The following STIM1 variants were observed in gnomAD, a reference collection of about 807,000 sequenced individuals.
STIM1 encodes stromal interaction molecule 1.
STIM1 carries 25 observed loss-of-function variants against 74.7 expected under a neutral mutation model. The ratio of observed to expected loss-of-function variants is 0.33; its 90% CI spans 0.24 to 0.47. The LOEUF is 0.47. Among genes scored for constraint, STIM1 ranks in the 20% least tolerant of loss-of-function variants. STIM1 has a pLI of 1.00. For missense variants in STIM1, 728 were observed against 920.8 expected (o/e 0.79, Z 2.71); for synonymous variants, 328 against 348.8 (o/e 0.94, Z 0.66).
intron 1 of STIM1, among the ~76,000 whole-genome samples, chr11:3,955,188 A>G (rs529812612): frequency 1.3e-5 from 2 of 152,290 alleles, no homozygotes; most frequent in African/African-American, 2.4e-5. Flanking sequence ...GTTTATAGTG[A>G]TAGAAGTTGG....
chr11:3,897,947 C>G (rs1379337525), intron 1 of STIM1, among the ~76,000 whole-genome samples: 1 of 152,124 alleles, frequency 6.6e-6, no homozygotes, highest in Admixed American at 6.5e-5. Flanking sequence ...CAAGTCTTTG[C>G]TGTTGTGAAT....
intron 1 of STIM1, among the ~76,000 whole-genome samples, chr11:3,879,621 A>G (rs989633660): frequency 1.3e-5 from 2 of 152,180 alleles, no homozygotes; most frequent in African/African-American, 4.8e-5. Flanking sequence ...TGTTATCTCC[A>G]TATTATTGTA....
chr11:4,013,791 T>A (rs10835494), intron 2 of STIM1, among the ~76,000 whole-genome samples: 8 of 148,022 alleles, frequency 5.4e-5, no homozygotes, highest in South Asian at 2.1e-4. Flanking sequence ...TGCAAGCTCC[T>A]CCTCCCGGTT....
intron 2 of STIM1, among the ~76,000 whole-genome samples, chr11:3,987,561 G>A (rs898376615): frequency 2.0e-5 from 3 of 152,054 alleles, no homozygotes; most frequent in South Asian, 2.1e-4. Context: ...TCTTTCCTTC[G>A]AGGACCAACT....
intron 1 of STIM1, among the ~76,000 whole-genome samples, chr11:3,876,012 T>A (rs1193547329): frequency 6.6e-6 from 1 of 152,192 alleles, no homozygotes; most frequent in Non-Finnish European, 1.5e-5. Context: ...TAATGCATTC[T>A]GGGACTAGGA....
At chr11:3,922,417 GCTAT>G (rs1215633953) in intron 1 of STIM1, 3 of 151,956 alleles carry the variant, frequency 2.0e-5, no homozygotes, top group Admixed American at 6.6e-5. Flanking sequence ...TTTCCATTGG[GCTAT>G]CTTTTTCTTA....
At position 4,023,897 on chromosome 11, in the gene STIM1, C is replaced by T. The variant is rs1440304974; in HGVS notation, c.295C>T (p.His99Tyr). Residue 99 changes from histidine (H) to tyrosine (Y), a missense_variant, in exon 3 of 13, where the codon CAT becomes TAT. His to Tyr is a moderately conservative substitution (Grantham distance 83, BLOSUM62 2). This residue lies in a region of STIM1 where 51 missense variants were observed against 101.1 expected (regional missense o/e 0.50). Coordinates refer to ENST00000526596, the MANE Select transcript of STIM1 (RefSeq NM_001382567.1). The part of the protein sequence containing the change: ...DEFLREDLNY[H>Y]DPTVKHSTFH... ...GTTCCTGAGGGAAGACCTCAATTAC[C>T]ATGACCCAACAGTGAAACACAGCAC... The T allele has an allele frequency of 1.9e-6, 3 of 1,613,968 alleles. No individual in the cohort carries two copies. Among genetic ancestry groups the T allele is most frequent in the Admixed American group, 3.3e-5 (2 of 60,010 alleles).
chr11:3,939,577 C>T (rs1055918699), intron 1 of STIM1, among the ~76,000 whole-genome samples: 7 of 152,152 alleles, frequency 4.6e-5, no homozygotes, highest in African/African-American at 1.4e-4. Context: ...ATTTGACCCT[C>T]CCAATACCTT....
intron 12 of STIM1, chr11:4,086,853 G>A (rs1176719684): frequency 2.6e-6 from 4 of 1,531,570 alleles, no homozygotes; most frequent in African/African-American, 1.4e-5. Flanking sequence ...GGCATTCAGA[G>A]AGCTTGGGGT....
intron 2 of STIM1, 109 bp downstream of exon 2, chr11:3,967,791 T>C: frequency 2.0e-6 from 3 of 1,523,714 alleles, no homozygotes; most frequent in Non-Finnish European, 2.7e-6. Context: ...TGCTGGCTTG[T>C]TCTTTAGGAA....
intron 1 of STIM1, among the ~76,000 whole-genome samples, chr11:3,864,243 C>T (rs565072096): frequency 5.3e-5 from 8 of 152,308 alleles, no homozygotes; most frequent in Non-Finnish European, 1.0e-4. Flanking sequence ...GGGCCTGGTC[C>T]CCACTGTATT....
intron 2 of STIM1, chr11:3,974,157 C>A (rs913979520): frequency 1.7e-6 from 1 of 599,426 alleles, no homozygotes; most frequent in East Asian, 2.9e-5. Flanking sequence ...TGGACCCTCA[C>A]TGGTCATTTC....
intron 1 of STIM1, among the ~76,000 whole-genome samples, chr11:3,921,407 A>G (rs959441479): frequency 6.6e-6 from 1 of 152,216 alleles, no homozygotes; most frequent in Admixed American, 6.5e-5. Context: ...ATATGTAAAC[A>G]CTTCTACTCT....
intron 1 of STIM1, among the ~76,000 whole-genome samples, chr11:3,869,662 T>A (rs560449824): frequency 6.6e-6 from 1 of 152,344 alleles, no homozygotes; most frequent in African/African-American, 2.4e-5. Context: ...AAGGAGGGCC[T>A]AAATTGTCAG....
chr11:4,024,195 A>G (rs983984706), intron 3 of STIM1, among the ~76,000 whole-genome samples: 3 of 152,182 alleles, frequency 2.0e-5, no homozygotes, highest in African/African-American at 7.2e-5. Flanking sequence ...GTTTTTCTTC[A>G]TTAGGATACT....
chr11:4,086,162 A>ATC (rs992091589), intron 11 of STIM1: 45 of 424,980 alleles, frequency 1.1e-4, no homozygotes, highest in African/African-American at 4.6e-4. Flanking sequence ...CCCGGACCTT[A>ATC]TCCCAAGCCC....
At chr11:3,919,270 A>G (rs1013881636) in intron 1 of STIM1, among the ~76,000 whole-genome samples, 5 of 152,150 alleles carry the variant, frequency 3.3e-5, no homozygotes, top group Admixed American at 3.3e-4. Flanking sequence ...CAATGGTGCG[A>G]TCTCGGCTTA....
intron 2 of STIM1, among the ~76,000 whole-genome samples, chr11:3,971,047 G>T (rs577504039): frequency 6.6e-6 from 1 of 152,160 alleles, no homozygotes; most frequent in African/African-American, 2.4e-5. Context: ...TCAAAGGTGT[G>T]CACAGTGAGA....
intron 1 of STIM1, among the ~76,000 whole-genome samples, chr11:3,897,396 G>A (rs1301985251): frequency 6.6e-6 from 1 of 152,198 alleles, no homozygotes; most frequent in East Asian, 1.9e-4. Flanking sequence ...TGTAATTTTA[G>A]TAGTCCAGGT....
Sources: gnomAD v4.1 joint callset for allele counts (sites outside exome capture counted in the v4.1 genomes callset) on GRCh38, gnomAD v4.1.1 for gene constraint, gnomAD v4.1.1 regional missense constraint, MANE v1.5 for transcripts, NCBI Gene and HGNC (gene_info 2026-07-23, HGNC 2026-07-21) for gene names.